The following PCDH15 variants were observed in gnomAD, a reference collection of about 807,000 sequenced individuals.
PCDH15 encodes protocadherin-15.
A neutral mutation model predicts 178.5 loss-of-function variants in PCDH15; 129 were observed. That is an observed-to-expected ratio of 0.72 (90% confidence interval 0.63 to 0.84). PCDH15 has a LOEUF of 0.84. Among genes scored for constraint, PCDH15 ranks in the 40% least tolerant of loss-of-function variants. The pLI, the probability that PCDH15 is intolerant of heterozygous loss-of-function variation, is 0.00. For synonymous variants in PCDH15, 800 were observed against 732.0 expected (o/e 1.09, Z -1.50); for missense variants, 2,230 against 2,099.9 (o/e 1.06, Z -1.21).
chr10:54,741,310 G>A (rs2132812290), intron 1 of PCDH15, among the ~76,000 whole-genome samples: 1 of 151,488 alleles, frequency 6.6e-6, no homozygotes, highest in East Asian at 1.9e-4. Context: ...TACATATTTA[G>A]TAACTAAAAA....
intron 2 of PCDH15, among the ~76,000 whole-genome samples, chr10:55,077,176 A>G (rs1841915554): frequency 6.6e-6 from 1 of 151,898 alleles, no homozygotes; most frequent in East Asian, 1.9e-4. Flanking sequence ...TATCTTTACA[A>G]TTATACTGTT....
At chr10:55,523,434 T>C (rs963487764) in intron 2 of PCDH15, among the ~76,000 whole-genome samples, 3 of 151,830 alleles carry the variant, frequency 2.0e-5, no homozygotes, top group African/African-American at 7.2e-5. Context: ...GATAAGTGTA[T>C]ATAATACTGC....
intron 2 of PCDH15, among the ~76,000 whole-genome samples, chr10:55,430,442 T>A (rs947801226): frequency 6.6e-6 from 1 of 152,222 alleles, no homozygotes; most frequent in Non-Finnish European, 1.5e-5. Context: ...TATTTTGACA[T>A]GTAATATTCA....
chr10:55,505,520 T>C (rs1840741863), intron 2 of PCDH15, among the ~76,000 whole-genome samples: 1 of 151,338 alleles, frequency 6.6e-6, no homozygotes, highest in Non-Finnish European at 1.5e-5. Flanking sequence ...TCAAAAATCT[T>C]GAGCTGGACA....
At chr10:53,930,552 G>C (rs1217265872) in intron 25 of PCDH15, among the ~76,000 whole-genome samples, 1 of 144,294 alleles carries the variant, frequency 6.9e-6, no homozygotes, top group African/African-American at 2.5e-5. Flanking sequence ...ACAGACAGTT[G>C]TTTTCAGATA....
chr10:54,047,696 T>C (rs1442190818), intron 18 of PCDH15, among the ~76,000 whole-genome samples: 1 of 152,142 alleles, frequency 6.6e-6, no homozygotes, highest in Non-Finnish European at 1.5e-5. Context: ...TGCATTAATG[T>C]ACTTAAAATA....
chr10:55,127,456 A>T (rs887230239), intron 2 of PCDH15, among the ~76,000 whole-genome samples: 3 of 152,074 alleles, frequency 2.0e-5, no homozygotes, highest in African/African-American at 7.2e-5. Context: ...ATATCCACAT[A>T]TCTATAGAAT....
At chr10:54,398,383 A>T (rs1405781041) in intron 3 of PCDH15, among the ~76,000 whole-genome samples, 1 of 151,994 alleles carries the variant, frequency 6.6e-6, no homozygotes, top group Non-Finnish European at 1.5e-5. Context: ...AACTTTATAG[A>T]TCAAAAATTA....
In PCDH15 at chr10:54,953,593, G is replaced by A. The variant is rs145693664; in HGVS notation, c.-79-56093C>T. ...TTTTTTTCATTCATGTCTTTTTGAC[G>A]TAGCTTCATAATATGCTTTGATATA... On this transcript the variant is annotated intron_variant, in intron 2 of 5. Coordinates refer to the PCDH15 transcript ENST00000458638. Among the ~76,000 whole-genome samples the A allele has an allele frequency of 7.6e-3, 1,144 of 151,146 alleles. 15 individuals are homozygous for A. The highest frequency in any genetic ancestry group is 0.026 in the African/African-American group (1,089 of 41,398).
At chr10:55,220,622 G>T (rs1223568732) in intron 1 of PCDH15, among the ~76,000 whole-genome samples, 1 of 151,958 alleles carries the variant, frequency 6.6e-6, no homozygotes, top group East Asian at 1.9e-4. Context: ...AATGTTGTAA[G>T]CAATTACAAC....
chr10:55,333,594 T>A (rs1844272812), intron 2 of PCDH15, among the ~76,000 whole-genome samples: 1 of 152,080 alleles, frequency 6.6e-6, no homozygotes, highest in Non-Finnish European at 1.5e-5. Flanking sequence ...ATGGTATTAT[T>A]ATTTAAAGAA....
intron 2 of PCDH15, among the ~76,000 whole-genome samples, chr10:55,532,056 ATATC>A (rs1841466460): frequency 1.3e-5 from 2 of 152,168 alleles, no homozygotes; most frequent in African/African-American, 4.8e-5. Flanking sequence ...AATGAATAAA[ATATC>A]TAAACTATGA....
At chr10:53,823,256 A>G (rs762081090) in intron 32 of PCDH15, 1 of 1,614,016 alleles carries the variant, frequency 6.2e-7, no homozygotes, top group South Asian at 1.1e-5. Flanking sequence ...TGTGAGCCTC[A>G]ATAGTATTGG....
At chr10:54,622,652 T>TAA (rs1565777000) in intron 2 of PCDH15, among the ~76,000 whole-genome samples, 11 of 93,842 alleles carry the variant, frequency 1.2e-4, no homozygotes, top group Non-Finnish European at 2.1e-4. Flanking sequence ...ATTATATATA[T>TAA]ACTATATAAT....
chr10:54,789,165 T>C (rs2133528764), intron 1 of PCDH15, among the ~76,000 whole-genome samples: 1 of 152,060 alleles, frequency 6.6e-6, no homozygotes, highest in South Asian at 2.1e-4. Flanking sequence ...ATAACATTTA[T>C]AAGAATGTCT....
chr10:54,404,641 T>C (rs7907160), intron 3 of PCDH15, among the ~76,000 whole-genome samples: 3,991 of 152,074 alleles, frequency 0.026, 168 homozygotes, highest in African/African-American at 0.089. Context: ...AAAGTAGAAT[T>C]TGACAAACGG....
chr10:55,266,470 G>C (rs959426507), intron 1 of PCDH15, among the ~76,000 whole-genome samples: 2 of 152,170 alleles, frequency 1.3e-5, no homozygotes, highest in Non-Finnish European at 2.9e-5. Context: ...CAGGTCCCTC[G>C]TGAGGGCTCC....
intron 2 of PCDH15, among the ~76,000 whole-genome samples, chr10:54,998,605 T>A (rs1025201093): frequency 1.3e-5 from 2 of 152,144 alleles, no homozygotes; most frequent in African/African-American, 4.8e-5. Context: ...CTCTTAGTGT[T>A]TATGAAGGTA....
intron 2 of PCDH15, among the ~76,000 whole-genome samples, chr10:55,475,460 A>G (rs937374507): frequency 6.6e-6 from 1 of 152,200 alleles, no homozygotes; most frequent in African/African-American, 2.4e-5. Flanking sequence ...ATGTACCTGT[A>G]TTGTTAAAAA....
Sources: gnomAD v4.1 joint callset for allele counts (sites outside exome capture counted in the v4.1 genomes callset) on GRCh38, gnomAD v4.1.1 for gene constraint, MANE v1.5 for transcripts, NCBI Gene and HGNC (gene_info 2026-07-23, HGNC 2026-07-21) for gene names.